The following MAT2B variants were observed in gnomAD, a reference collection of about 807,000 sequenced individuals.
MAT2B encodes the protein methionine adenosyltransferase 2 subunit beta.
MAT2B carries 16 observed loss-of-function variants against 36.1 expected under a neutral mutation model. The observed-to-expected ratio is 0.44, with a 90% CI of 0.30 to 0.67. MAT2B has a LOEUF of 0.67. MAT2B is among the 30% of genes least tolerant of loss of function. The pLI is 0.09. For synonymous variants in MAT2B, 148 were observed against 136.9 expected, an observed-to-expected ratio of 1.08 and a Z score of -0.57; for missense variants, 332 against 398.2, an observed-to-expected ratio of 0.83 and a Z score of 1.42.
At chr5:163,518,148 C>T (rs1760160627) in intron 6 of MAT2B, 45 bp from the exon 7 acceptor site, 1 of 1,416,882 alleles carries the variant, frequency 7.1e-7, no homozygotes, top group African/African-American at 1.4e-5. Context: ...CAAAATATAG[C>T]CTTTCACTTA....
intron 3 of MAT2B, 47 bp downstream of exon 3, chr5:163,513,716 G>A (rs1345815013): frequency 1.3e-6 from 2 of 1,542,096 alleles, no homozygotes; most frequent in Admixed American, 1.8e-5. Context: ...AGTGATTGCT[G>A]AGTTTTTAGA....
At chr5:163,511,879 G>C in intron 1 of MAT2B, 123 bp from the exon 2 acceptor site, 1 of 728,204 alleles carries the variant, frequency 1.4e-6, no homozygotes, top group Non-Finnish European at 2.3e-6. Flanking sequence ...TTGGCTTGCA[G>C]ATATGGGACA....
intron 5 of MAT2B, chr5:163,517,096 C>CTG (rs1165509348): frequency 2.0e-4 from 57 of 289,838 alleles, no homozygotes; most frequent in African/African-American, 1.2e-3. Context: ...AAAGATGAGA[C>CTG]TGATTTAGTT....
Position 163,513,830 on chromosome 5 carries a change from C to CT in MAT2B, c.374-5dup, listed in dbSNP as rs771419964. On this transcript the variant is annotated splice_polypyrimidine_tract_variant and intron_variant, in intron 3 of 6. Coordinates refer to ENST00000321757, the MANE Select transcript of MAT2B (RefSeq NM_013283.5). ...TGTAAACATTTAATAGATTTGTCTT[C>CT]TTTTTTTGTAGCTGCTGTTGGAGCA... 1.2e-6 allele frequency: 2 copies of CT among 1,601,302 alleles called. No homozygotes were observed. Among genetic ancestry groups the CT allele is most frequent in the East Asian group, 2.2e-5 (1 of 44,686 alleles).
chr5:163,516,198 A>G (rs1422070463), intron 4 of MAT2B, among the ~76,000 whole-genome samples: 1 of 152,144 alleles, frequency 6.6e-6, no homozygotes, highest in East Asian at 1.9e-4. Context: ...GGCATGTGCC[A>G]CCATGCCCAG....
rs371182015 is a variant in MAT2B at position 163,516,525 on chromosome 5, T to C, written c.534T>C (p.Ala178=). The change falls in exon 5 of 7, where the codon GCT becomes GCC. Residue 178 remains alanine, a synonymous_variant. Transcript: ENST00000321757. ...GCTTTTATTCTTCTCTAGGAGCTGC[T>C]GTTTTGAGGATTCCTATTCTGTATG... is the stretch of plus-strand genomic sequence containing the variant. ...KAVLENNLGA[A]VLRIPILYGE... is the part of the protein sequence containing the mutation. The C allele has an allele frequency of 1.1e-4, 179 of 1,613,700 alleles. No individual in the cohort carries two copies. The highest frequency in any genetic ancestry group is 1.7e-4 in the Middle Eastern group (1 of 6,060).
chr5:163,505,436 T>G, upstream of MAT2B: 3 of 939,370 alleles, frequency 3.2e-6, no homozygotes, highest in Non-Finnish European at 2.8e-6. Flanking sequence ...GTCAGGGCCT[T>G]TCTTTTGTGT....
chr5:163,514,323 T>C (rs1760097179), intron 4 of MAT2B, among the ~76,000 whole-genome samples: 1 of 152,226 alleles, frequency 6.6e-6, no homozygotes, highest in Non-Finnish European at 1.5e-5. Context: ...TTCTGTTATA[T>C]GTATGTTACT....
chr5:163,518,445 T>G lies in MAT2B; in HGVS notation c.*82T>G. On this transcript the variant is annotated 3_prime_UTR_variant, in exon 7 of 7. Coordinates refer to ENST00000321757, the MANE Select transcript of MAT2B (RefSeq NM_013283.5). Reference sequence around the variant, plus strand: ...TTTTAAAGAACAAAGGAAATAGTTTTGTATGAGTACTTTAATTGTGACTCT... The same window carrying G: ...TTTTAAAGAACAAAGGAAATAGTTTGGTATGAGTACTTTAATTGTGACTCT... 1 of 1,156,106 alleles carries G rather than the reference T, an allele frequency of 8.6e-7. No homozygotes were observed. The highest frequency in any genetic ancestry group is 1.2e-6 in the Non-Finnish European group (1 of 822,598). The allele number at this position is 1,156,106 out of a possible 1,614,324, so 71.6% of individuals were successfully genotyped here. A position where few individuals can be genotyped will look rare whatever the true frequency, so the allele number is the denominator to read the frequency against.
At chr5:163,511,445 T>C (rs1382129794) in intron 1 of MAT2B, among the ~76,000 whole-genome samples, 1 of 137,238 alleles carries the variant, frequency 7.3e-6, no homozygotes, top group East Asian at 2.1e-4. Flanking sequence ...TTTGCTTTTT[T>C]TTTTTTTTTT....
At chr5:163,507,168 A>G (rs1759961625) in intron 1 of MAT2B, among the ~76,000 whole-genome samples, 1 of 152,248 alleles carries the variant, frequency 6.6e-6, no homozygotes, top group Admixed American at 6.5e-5. Context: ...ACGACAAGGT[A>G]TTTACCACTG....
At chr5:163,515,770 C>CTTTTTCT (rs1760121173) in intron 4 of MAT2B, among the ~76,000 whole-genome samples, 1 of 69,776 alleles carries the variant, frequency 1.4e-5, no homozygotes, top group Non-Finnish European at 2.4e-5. Context: ...TTGCCTTTTT[C>CTTTTTCT]TTTTTTTTTT....
intron 2 of MAT2B, chr5:163,512,513 AT>A: frequency 2.5e-6 from 1 of 403,924 alleles, no homozygotes; most frequent in Non-Finnish European, 4.6e-6. Context: ...AGTTATTTTC[AT>A]TTTAGGGCTG....
upstream of MAT2B, chr5:163,503,569 G>C: frequency 3.8e-6 from 3 of 794,774 alleles, no homozygotes; most frequent in Middle Eastern, 2.4e-4. Flanking sequence ...ATAACCTCGG[G>C]ACATGGAAGA....
upstream of MAT2B, chr5:163,503,298 T>C (rs1759876976): frequency 7.1e-6 from 8 of 1,122,932 alleles, no homozygotes; most frequent in Non-Finnish European, 1.1e-5. Context: ...TTGGCGTGCC[T>C]GCGCTCTCTG....
chr5:163,510,536 A>G (rs1760021341), intron 1 of MAT2B, among the ~76,000 whole-genome samples: 2 of 151,722 alleles, frequency 1.3e-5, no homozygotes, highest in Non-Finnish European at 2.9e-5. Context: ...CTGGGATTAC[A>G]GGCACCTGCA....
intron 2 of MAT2B, chr5:163,512,487 C>G (rs1760061291): frequency 6.7e-6 from 3 of 446,916 alleles, no homozygotes; most frequent in Admixed American, 3.7e-5. Flanking sequence ...CTGTAAACCT[C>G]ACAACACTGC....
At chr5:163,517,324 G>T in intron 5 of MAT2B, 1 of 268,828 alleles carries the variant, frequency 3.7e-6, no homozygotes, top group Non-Finnish European at 7.0e-6. Context: ...AGTAAAATTG[G>T]AGCCTTTTTT....
At chr5:163,508,457 T>C (rs996605030) in intron 1 of MAT2B, among the ~76,000 whole-genome samples, 6 of 152,112 alleles carry the variant, frequency 3.9e-5, no homozygotes, top group African/African-American at 1.4e-4. Context: ...AGGCTGGTTT[T>C]GAACCCCTGA....
Sources: allele counts gnomAD v4.1 joint callset (sites outside exome capture counted in the v4.1 genomes callset), GRCh38; gene constraint gnomAD v4.1.1; transcripts MANE v1.5; gene names NCBI Gene and HGNC (gene_info 2026-07-23, HGNC 2026-07-21).